Variants in ARHGDIA observed in about 807,000 individuals in gnomAD.
ARHGDIA encodes the protein rho GDP-dissociation inhibitor 1.
In ARHGDIA, 9 loss-of-function variants were observed where a neutral mutation model predicts 25.0. The ratio of observed to expected loss-of-function variants is 0.36; its 90% CI spans 0.22 to 0.63. The LOEUF (loss-of-function observed/expected upper bound fraction) is 0.63. ARHGDIA is among the 20% of genes least tolerant of loss of function. The probability of loss-of-function intolerance (pLI) is 0.69; values close to 1 mark genes in which losing one functional copy is unlikely to be tolerated. For synonymous variants in ARHGDIA, 166 were observed against 111.5 expected (o/e 1.49, Z -3.08); for missense variants, 239 against 264.3 (o/e 0.90, Z 0.66).
chr17:81,869,017 G>A lies in ARHGDIA; in HGVS notation c.474C>T (p.Phe158=), dbSNP rs749959589. 339 of 1,613,588 alleles carry A rather than the reference G, an allele frequency of 2.1e-4. No individual in the cohort carries two copies. Among genetic ancestry groups the A allele is most frequent in the Admixed American group, 4.0e-4 (24 of 59,990 alleles). ...TGGGTGCCTCCTCCACGGGGGTCAGGAACTCGTACTCCTCGGCCCGGGGCC... is the reference window on the plus strand; with the variant it reads ...TGGGTGCCTCCTCCACGGGGGTCAGAAACTCGTACTCCTCGGCCCGGGGCC... ...SYGPRAEEYE[F]LTPVEEAPKG... Residue 158 remains phenylalanine (F), a synonymous_variant, in exon 6 of 6, where the codon TTC becomes TTT. Transcript: ENST00000269321.
Position 81,868,045 on chromosome 17 carries a change from T to G in ARHGDIA, c.*831A>C. On this transcript the variant is annotated 3_prime_UTR_variant, in exon 6 of 6. Transcript: ENST00000269321. ...GAGTGAGGCTGTCCATCGAGGGCTC[T>G]TGGGGGGGTGTGGGCTCTGGGCACT... is the stretch of plus-strand genomic sequence containing the variant. 2 of 254,032 alleles carry G rather than the reference T, an allele frequency of 7.9e-6. No homozygotes were observed. Among genetic ancestry groups the G allele is most frequent in the Non-Finnish European group, 1.5e-5 (2 of 132,728 alleles). The allele number at this position is 254,032 out of a possible 1,614,324, so 15.7% of individuals were successfully genotyped here. A position where few individuals can be genotyped will look rare whatever the true frequency, so the allele number is the denominator to read the frequency against.
chr17:81,868,683 G>A lies in ARHGDIA; in HGVS notation c.*193C>T, dbSNP rs1567849867. 6.5e-6 allele frequency: 10 copies of A among 1,534,544 alleles called. No individual in the cohort carries two copies. Among genetic ancestry groups the A allele is most frequent in the Middle Eastern group, 1.7e-4 (1 of 5,944 alleles). On this transcript the variant is annotated 3_prime_UTR_variant, in exon 6 of 6. Coordinates refer to ENST00000269321, the MANE Select transcript of ARHGDIA (RefSeq NM_004309.6). Reference sequence around the variant, plus strand: ...CGAGACAGGAGACCGAGGAGGCTGGGCCTGTGGGTGGGGGAGGGCTGAGGA... The same window carrying A: ...CGAGACAGGAGACCGAGGAGGCTGGACCTGTGGGTGGGGGAGGGCTGAGGA...
Position 81,868,447 on chromosome 17 carries a change from C to A in ARHGDIA, c.*429G>T. 8 of 1,485,214 alleles carry A rather than the reference C, an allele frequency of 5.4e-6. No individual in the cohort carries two copies. Among genetic ancestry groups the A allele is most frequent in the Non-Finnish European group, 7.1e-6 (8 of 1,120,306 alleles). The allele number at this position is 1,485,214 out of a possible 1,614,324, so 92.0% of individuals were successfully genotyped here. A position where few individuals can be genotyped will look rare whatever the true frequency, so the allele number is the denominator to read the frequency against. On this transcript the variant is annotated 3_prime_UTR_variant, in exon 6 of 6. Transcript: ENST00000269321. ...CGGGGCTGGAGGACGGCCCGGCCCC[C>A]ACGAGGCCGTGCATCCCACACCCCA...
At chr17:81,869,473 CCCCCT>C (rs2039200141) in intron 3 of ARHGDIA, 64 bp downstream of exon 3, 1 of 1,609,094 alleles carries the variant, frequency 6.2e-7, no homozygotes, top group Non-Finnish European at 8.5e-7. Flanking sequence ...CCCTGCGCGG[CCCCCT>C]GGCTGCACTT....
In ARHGDIA at chr17:81,869,007, C is replaced by A; in HGVS notation, c.484G>T (p.Val162Leu). The A allele has an allele frequency of 6.2e-7, 1 of 1,613,712 alleles. No homozygotes were observed. Among genetic ancestry groups the A allele is most frequent in the South Asian group, 1.1e-5 (1 of 91,082 alleles). ...RAEEYEFLTP[V>L]EEAPKGMLAR... ...AGCATACCCTTGGGTGCCTCCTCCA[C>A]GGGGGTCAGGAACTCGTACTCCTCG... Residue 162 changes from valine (V) to leucine (L), a missense_variant, in exon 6 of 6, where the codon GTG becomes TTG. Val to Leu is a conservative substitution (Grantham distance 32). Around this residue, in one of 3 missense-constraint regions of ARHGDIA, gnomAD observed 75 missense variants for 122.4 expected, o/e 0.61. Coordinates refer to ENST00000269321, the MANE Select transcript of ARHGDIA (RefSeq NM_004309.6).
rs530554967 is a variant in ARHGDIA at position 81,868,819 on chromosome 17, C to G, written c.*57G>C. 1.2e-6 allele frequency: 2 copies of G among 1,609,306 alleles called. No homozygotes were observed. The highest frequency in any genetic ancestry group is 1.7e-6 in the Non-Finnish European group (2 of 1,178,420). On this transcript the variant is annotated 3_prime_UTR_variant, in exon 6 of 6. Transcript: ENST00000269321. ...TGGGGAGGGGAGGGGCTGGGGGGGA[C>G]ACATCCGCCTGTCCGTCGTCCGTCC...
At chr17:81,869,996 C>T (rs2143433922) in intron 1 of ARHGDIA, 39 bp from the exon 2 acceptor site, 1 of 1,578,142 alleles carries the variant, frequency 6.3e-7, no homozygotes, top group East Asian at 2.2e-5. Context: ...ACCTGGATCC[C>T]CAACGGAGGC....
In ARHGDIA at chr17:81,868,046, T is replaced by G; in HGVS notation, c.*830A>C. 2.0e-5 allele frequency: 5 copies of G among 251,448 alleles called. No individual in the cohort carries two copies. The highest frequency in any genetic ancestry group is 3.1e-5 in the Non-Finnish European group (4 of 131,134). 15.6% of individuals were successfully genotyped at this position (251,448 alleles called of 1,614,324 possible). ...AGTGAGGCTGTCCATCGAGGGCTCT[T>G]GGGGGGGTGTGGGCTCTGGGCACTG... On this transcript the variant is annotated 3_prime_UTR_variant, in exon 6 of 6. Coordinates refer to ENST00000269321, the MANE Select transcript of ARHGDIA (RefSeq NM_004309.6).
chr17:81,868,845 G>T lies in ARHGDIA; in HGVS notation c.*31C>A. 3 of 1,612,860 alleles carry T rather than the reference G, an allele frequency of 1.9e-6. No homozygotes were observed. The highest frequency in any genetic ancestry group is 2.5e-6 in the Non-Finnish European group (3 of 1,179,806). ...ACATCCGCCTGTCCGTCGTCCGTCCGTCAGTCTGCCCTGCCCGCCTCTGGC... is the reference window on the plus strand; with the variant it reads ...ACATCCGCCTGTCCGTCGTCCGTCCTTCAGTCTGCCCTGCCCGCCTCTGGC... On this transcript the variant is annotated 3_prime_UTR_variant, in exon 6 of 6. Transcript: ENST00000269321.
rs1182840295 is a variant in ARHGDIA at position 81,868,649 on chromosome 17, A to C, written c.*227T>G. On this transcript the variant is annotated 3_prime_UTR_variant, in exon 6 of 6. Transcript: ENST00000269321. Reference sequence around the variant, plus strand: ...CCTCTCTCCCCCACAGCACAGGCAGAAGCAGCAACGAGACAGGAGACCGAG... The same window carrying C: ...CCTCTCTCCCCCACAGCACAGGCAGCAGCAGCAACGAGACAGGAGACCGAG... 9.8e-6 allele frequency: 15 copies of C among 1,535,108 alleles called. No individual in the cohort carries two copies. The highest frequency in any genetic ancestry group is 2.0e-5 in the Admixed American group (1 of 50,966).
At position 81,868,423 on chromosome 17, in the gene ARHGDIA, G is replaced by A. The variant is rs923534695; in HGVS notation, c.*453C>T. The A allele has an allele frequency of 1.4e-5, 21 of 1,456,460 alleles. No individual in the cohort carries two copies. The highest frequency in any genetic ancestry group is 1.2e-4 in the East Asian group (5 of 40,214). The allele number at this position is 1,456,460 out of a possible 1,614,324, so 90.2% of individuals were successfully genotyped here. A position where few individuals can be genotyped will look rare whatever the true frequency, so the allele number is the denominator to read the frequency against. ...ACAAGGGGGCTGGCCAGGGAGCAGC[G>A]GGGCTGGAGGACGGCCCGGCCCCCA... On this transcript the variant is annotated 3_prime_UTR_variant, in exon 6 of 6. Coordinates refer to ENST00000269321, the MANE Select transcript of ARHGDIA (RefSeq NM_004309.6).
Position 81,868,842 on chromosome 17 carries a change from T to C in ARHGDIA, c.*34A>G. ...GACACATCCGCCTGTCCGTCGTCCGTCCGTCAGTCTGCCCTGCCCGCCTCT... is the reference window on the plus strand; with the variant it reads ...GACACATCCGCCTGTCCGTCGTCCGCCCGTCAGTCTGCCCTGCCCGCCTCT... On this transcript the variant is annotated 3_prime_UTR_variant, in exon 6 of 6. Coordinates refer to ENST00000269321, the MANE Select transcript of ARHGDIA (RefSeq NM_004309.6). The C allele has an allele frequency of 1.2e-6, 2 of 1,612,992 alleles. No homozygotes were observed. Among genetic ancestry groups the C allele is most frequent in the Non-Finnish European group, 1.7e-6 (2 of 1,179,812 alleles).
Position 81,868,757 on chromosome 17 carries a change from G to A in ARHGDIA, c.*119C>T. The A allele has an allele frequency of 6.5e-7, 1 of 1,542,950 alleles. No homozygotes were observed. On this transcript the variant is annotated 3_prime_UTR_variant, in exon 6 of 6. Coordinates refer to ENST00000269321, the MANE Select transcript of ARHGDIA (RefSeq NM_004309.6). ...AGCCAGGCCAGGGAGGCGGACCAGGGTGGGAGGGGCACGGAGGGCCTGTCA... is the reference window on the plus strand; with the variant it reads ...AGCCAGGCCAGGGAGGCGGACCAGGATGGGAGGGGCACGGAGGGCCTGTCA...
rs1474874532 is a variant in ARHGDIA, at chr17:81,868,439, CCGGCCCCCACGAGGCCGTGCATCCCACA to C, written c.*409_*436del. 6.8e-7 allele frequency: 1 copy of C among 1,473,804 alleles called. No homozygotes were observed. Among genetic ancestry groups the C allele is most frequent in the Admixed American group, 2.4e-5 (1 of 42,230 alleles). 91.3% of individuals were successfully genotyped at this position (1,473,804 alleles called of 1,614,324 possible). ...GGGAGCAGCGGGGCTGGAGGACGGC[CCGGCCCCCACGAGGCCGTGCATCCCACA>C]CCCCAGCTCCACCCCGGAGCAGCAG... On this transcript the variant is annotated 3_prime_UTR_variant, in exon 6 of 6. Transcript: ENST00000269321.
chr17:81,869,492 G>A (rs763747796), intron 3 of ARHGDIA, 50 bp downstream of exon 3: 1 of 1,608,498 alleles, frequency 6.2e-7, no homozygotes, highest in Non-Finnish European at 8.5e-7. Flanking sequence ...TGCACTTCCC[G>A]AGATCCCCAC....
intron 2 of ARHGDIA, 42 bp from the exon 3 acceptor site, chr17:81,869,667 G>A (rs1318488166): frequency 2.0e-6 from 3 of 1,535,410 alleles, no homozygotes; most frequent in Middle Eastern, 1.7e-4. Flanking sequence ...CCCACCAGTG[G>A]AAGTAGGGGC....
At chr17:81,869,431 T>C in intron 3 of ARHGDIA, 25 bp from the exon 4 acceptor site, 2 of 1,612,686 alleles carry the variant, frequency 1.2e-6, no homozygotes, top group Non-Finnish European at 1.7e-6. Flanking sequence ...TCCCCCTCAA[T>C]GACTGCCCAG....
chr17:81,870,649 T>C (rs1331776565), intron 1 of ARHGDIA: 1 of 152,228 alleles, frequency 6.6e-6, no homozygotes, highest in African/African-American at 2.4e-5. Context: ...GCAGGGGATC[T>C]GTCAGGCTCA....
chr17:81,869,895 G>C lies in ARHGDIA; in HGVS notation c.36C>G (p.Ala12=), dbSNP rs2039232945. ...CCTCCTCGTTCTCCGCTGCAATCTG[G>C]GCCAGCTGCTCGGCTGTGGGCTCCT... ...AEQEPTAEQL[A]QIAAENEEDE... The change falls in exon 2 of 6, where the codon GCC becomes GCG. Residue 12 remains alanine (A), a synonymous_variant. Coordinates refer to ENST00000269321, the MANE Select transcript of ARHGDIA (RefSeq NM_004309.6). 2 of 1,613,818 alleles carry C rather than the reference G, an allele frequency of 1.2e-6. No homozygotes were observed. The highest frequency in any genetic ancestry group is 2.7e-5 in the African/African-American group (2 of 74,936).
Sources: allele counts gnomAD v4.1 joint callset, GRCh38; gene constraint gnomAD v4.1.1; regional missense constraint gnomAD v4.1.1; transcripts MANE v1.5; gene names NCBI Gene and HGNC (gene_info 2026-07-23, HGNC 2026-07-21).